Variants in PCSK2 observed in about 807,000 individuals in gnomAD.
PCSK2 encodes the protein neuroendocrine convertase 2.
Under a neutral mutation model 69.7 loss-of-function variants are expected in PCSK2, and 14 were observed. That is an observed-to-expected ratio of 0.20 (90% CI 0.13 to 0.31). PCSK2 has a LOEUF of 0.31. PCSK2 is among the 10% of genes least tolerant of loss of function. The pLI is 1.00. For synonymous variants in PCSK2, 307 were observed against 320.7 expected, an observed-to-expected ratio of 0.96 and a Z score of 0.46; for missense variants, 544 against 842.5, an observed-to-expected ratio of 0.65 and a Z score of 4.39.
rs1434883376 is a variant in PCSK2 at position 17,436,828 on chromosome 20, C to G, written c.830C>G (p.Thr277Arg). The change falls in exon 8 of 12, where the codon ACA becomes AGA. Residue 277 changes from threonine to arginine, a missense_variant. Thr to Arg is a moderately conservative substitution (Grantham distance 71, BLOSUM62 -1). Transcript: ENST00000262545. ...ASWGPTDNGKTVDGPRELTLQ... is the reference protein window; with the variant it reads ...ASWGPTDNGKRVDGPRELTLQ... ...TGGGGCCCCACAGACAACGGCAAGA[C>G]AGTGGATGGGCCCCGGGAGCTCACG... 6.2e-7 allele frequency: 1 copy of G among 1,613,916 alleles called. No individual in the cohort carries two copies. Among genetic ancestry groups the G allele is most frequent in the Non-Finnish European group, 8.5e-7 (1 of 1,180,054 alleles).
At chr20:17,346,074 G>A (rs112194378) in intron 2 of PCSK2, among the ~76,000 whole-genome samples, 209 of 152,258 alleles carry the variant, frequency 1.4e-3, no homozygotes, top group African/African-American at 4.4e-3. Flanking sequence ...GCCCCCCTCC[G>A]GCACAGAATG....
rs531757842 is a variant in PCSK2, at chr20:17,302,505, G to A, written c.282+42161G>A. The stretch of plus-strand genomic sequence containing the variant: ...TTGGTAGCTCTTTCAGTAAGGGTCT[G>A]TACCGAAAACACTTTTGGAGCCCTT... On this transcript the variant is annotated intron_variant, in intron 2 of 11. Transcript: ENST00000262545. Among the ~76,000 whole-genome samples the A allele has an allele frequency of 3.3e-5, 5 of 152,238 alleles. No individual in the cohort carries two copies. In the South Asian group the frequency reaches 1.0e-3, roughly 32 times the overall value.
intron 2 of PCSK2, among the ~76,000 whole-genome samples, chr20:17,337,076 G>A (rs756362553): frequency 5.7e-5 from 6 of 105,594 alleles, no homozygotes; most frequent in Admixed American, 2.3e-4. Flanking sequence ...TAACTTCTCC[G>A]AAAGAAAAAG....
intron 2 of PCSK2, among the ~76,000 whole-genome samples, chr20:17,356,814 G>A (rs1356257742): frequency 1.3e-5 from 2 of 152,116 alleles, no homozygotes; most frequent in Admixed American, 1.3e-4. Flanking sequence ...GGATAAATGG[G>A]CTCCAGGGGA....
At chr20:17,355,520 C>T (rs373190643) in intron 2 of PCSK2, among the ~76,000 whole-genome samples, 7 of 152,196 alleles carry the variant, frequency 4.6e-5, no homozygotes, top group African/African-American at 1.7e-4. Context: ...GCAAGAGGCA[C>T]TCTTGCTTCC....
At chr20:17,400,711 A>T (rs757073129) in intron 5 of PCSK2, among the ~76,000 whole-genome samples, 10 of 152,118 alleles carry the variant, frequency 6.6e-5, no homozygotes, top group Non-Finnish European at 5.9e-5. Context: ...TCTCAGAACT[A>T]CTCTATACTT....
intron 1 of PCSK2, among the ~76,000 whole-genome samples, chr20:17,248,175 G>GGGGTGT (rs1555781250): frequency 6.9e-6 from 1 of 144,372 alleles, no homozygotes; most frequent in African/African-American, 2.6e-5. Flanking sequence ...TATAAAAAAG[G>GGGGTGT]GTGTGTGTGT....
At chr20:17,232,879 A>G (rs1238765214) in intron 1 of PCSK2, among the ~76,000 whole-genome samples, 1 of 152,176 alleles carries the variant, frequency 6.6e-6, no homozygotes, top group Non-Finnish European at 1.5e-5. Context: ...GTTCTTCTGG[A>G]ACTAAAAGAT....
intron 8 of PCSK2, among the ~76,000 whole-genome samples, chr20:17,452,717 T>C (rs1359344128): frequency 1.3e-5 from 2 of 152,192 alleles, no homozygotes; most frequent in Non-Finnish European, 2.9e-5. Flanking sequence ...TGCACTCCTA[T>C]CCACCCTCCC....
intron 8 of PCSK2, among the ~76,000 whole-genome samples, chr20:17,437,366 C>T (rs1423054940): frequency 6.6e-6 from 1 of 152,192 alleles, no homozygotes; most frequent in Non-Finnish European, 1.5e-5. Context: ...CACAGCTGCT[C>T]CTCTGAGATT....
intron 1 of PCSK2, among the ~76,000 whole-genome samples, chr20:17,244,984 C>T (rs1252134801): frequency 6.6e-6 from 1 of 152,154 alleles, no homozygotes; most frequent in Admixed American, 6.6e-5. Flanking sequence ...TTAGTATCTC[C>T]TCCTCTCATG....
At chr20:17,282,752 A>G (rs1391319475) in intron 2 of PCSK2, among the ~76,000 whole-genome samples, 1 of 149,940 alleles carries the variant, frequency 6.7e-6, no homozygotes, top group African/African-American at 2.4e-5. Flanking sequence ...CACGCTGTGA[A>G]AAAAAAAAAA....
At position 17,227,272 on chromosome 20, in the gene PCSK2, G is replaced by C. The variant is rs778955027; in HGVS notation, c.-34G>C. On this transcript the variant is annotated 5_prime_UTR_variant, in exon 1 of 12. Coordinates refer to ENST00000262545, the MANE Select transcript of PCSK2 (RefSeq NM_002594.5). ...AGTCCCCTGCTCCGCCAGCCTGCGC[G>C]CCTCCTAGCACCACTTTTCACTCCC... 12 of 1,574,778 alleles carry C rather than the reference G, an allele frequency of 7.6e-6. No individual in the cohort carries two copies. Among genetic ancestry groups the C allele is most frequent in the Non-Finnish European group, 8.7e-6 (10 of 1,146,814 alleles).
chr20:17,366,446 G>A (rs1487230105), intron 4 of PCSK2, among the ~76,000 whole-genome samples: 6 of 152,162 alleles, frequency 3.9e-5, no homozygotes, highest in Non-Finnish European at 8.8e-5. Flanking sequence ...CAGGTTCTAC[G>A]TCTAAATCAC....
intron 5 of PCSK2, among the ~76,000 whole-genome samples, chr20:17,402,569 G>T (rs1201205913): frequency 6.6e-5 from 10 of 151,078 alleles, no homozygotes. Flanking sequence ...GCTGAGGCAG[G>T]AGAATCACTT....
chr20:17,385,874 A>C (rs1803880017), intron 5 of PCSK2, among the ~76,000 whole-genome samples: 1 of 152,214 alleles, frequency 6.6e-6, no homozygotes, highest in African/African-American at 2.4e-5. Context: ...ACAAGTATGA[A>C]CACACCAACT....
chr20:17,455,004 C>T lies in PCSK2; in HGVS notation c.1101+1047C>T, dbSNP rs76100006. ...GAGGATGAAGAATGTGCCAGCTCCT[C>T]CCAAACAGAAGGGGGCTTTGACCCC... On this transcript the variant is annotated intron_variant, in intron 9 of 11. Transcript: ENST00000262545. Among the ~76,000 whole-genome samples, 783 of 152,212 alleles carry T rather than the reference C, an allele frequency of 5.1e-3. 6 individuals are homozygous for T. Among genetic ancestry groups the T allele is most frequent in the African/African-American group, 0.018 (740 of 41,522 alleles).
chr20:17,311,640 T>C (rs1312192306), intron 2 of PCSK2, among the ~76,000 whole-genome samples: 2 of 152,132 alleles, frequency 1.3e-5, no homozygotes, highest in African/African-American at 2.4e-5. Flanking sequence ...ATTATGTAGT[T>C]TATTATGGAT....
At chr20:17,311,032 G>A (rs1989493216) in intron 2 of PCSK2, among the ~76,000 whole-genome samples, 1 of 149,170 alleles carries the variant, frequency 6.7e-6, no homozygotes, top group Non-Finnish European at 1.5e-5. Context: ...TGGAAAAAGT[G>A]AATAAATGGT....
Sources: gnomAD v4.1 joint callset for allele counts (sites outside exome capture counted in the v4.1 genomes callset) on GRCh38, gnomAD v4.1.1 for gene constraint, MANE v1.5 for transcripts, NCBI Gene and HGNC (gene_info 2026-07-23, HGNC 2026-07-21) for gene names.